The following PPP1R12B variants were observed in gnomAD, a reference collection of about 807,000 sequenced individuals.
PPP1R12B encodes the protein myosin phosphatase target subunit 2.
PPP1R12B carries 76 observed loss-of-function variants against 126.1 expected under a neutral mutation model. The observed-to-expected ratio is 0.60, with a 90% CI of 0.50 to 0.73. The LOEUF (loss-of-function observed/expected upper bound fraction) is 0.73, where lower values mean the gene tolerates loss of function less well. Ranked by LOEUF, PPP1R12B falls within the 30% of genes least tolerant of loss-of-function variation. The probability of loss-of-function intolerance (pLI) is 0.00; values close to 1 mark genes in which losing one functional copy is unlikely to be tolerated. For missense variants in PPP1R12B, 1,052 were observed against 1,205.1 expected (o/e 0.87, Z 1.88); for synonymous variants, 356 against 434.7 (o/e 0.82, Z 2.25).
At chr1:202,522,583 T>C (rs972703064) in intron 18 of PPP1R12B, among the ~76,000 whole-genome samples, 1 of 151,818 alleles carries the variant, frequency 6.6e-6, no homozygotes, top group Admixed American at 6.6e-5. Context: ...AACATGGAAA[T>C]AGGAAATACA....
chr1:202,428,841 C>T lies in PPP1R12B; in HGVS notation c.847-14C>T, dbSNP rs1361387020. The stretch of plus-strand genomic sequence containing the variant: ...CTGTTTTCTATCAGTCATGGTGCTC[C>T]TTTTCTCTGCCAGGGCCAGACACCA... On this transcript the variant is annotated splice_polypyrimidine_tract_variant and intron_variant, in intron 5 of 23. Coordinates refer to ENST00000608999, the MANE Select transcript of PPP1R12B (RefSeq NM_002481.4). The T allele has an allele frequency of 1.2e-6, 2 of 1,601,922 alleles. No homozygotes were observed. Among genetic ancestry groups the T allele is most frequent in the Non-Finnish European group, 1.7e-6 (2 of 1,174,414 alleles).
intron 1 of PPP1R12B, among the ~76,000 whole-genome samples, chr1:202,390,881 A>T (rs1255647628): frequency 1.3e-5 from 2 of 152,172 alleles, no homozygotes; most frequent in African/African-American, 4.8e-5. Context: ...GGGGCACTAT[A>T]GCAGGACAAC....
At position 202,586,779 on chromosome 1, in the gene PPP1R12B, TC is replaced by T. The variant is rs961029232; in HGVS notation, c.*6220del. ...AACCCAGTGTCCCGGAAGCCCTCCT[TC>T]GGGAGAACTGTAAGTAAGAGGTGGG... On this transcript the variant is annotated 3_prime_UTR_variant, in exon 24 of 24. Transcript: ENST00000608999. 1.3e-5 allele frequency: 2 copies of T among 152,210 alleles called. No homozygotes were observed. Among genetic ancestry groups the T allele is most frequent in the Admixed American group, 1.3e-4 (2 of 15,290 alleles). 9.4% of individuals were successfully genotyped at this position (152,210 alleles called of 1,614,324 possible).
At chr1:202,414,756 A>G (rs1667843678) in intron 1 of PPP1R12B, among the ~76,000 whole-genome samples, 2 of 152,152 alleles carry the variant, frequency 1.3e-5, no homozygotes, top group Non-Finnish European at 1.5e-5. Flanking sequence ...TCACACCTGA[A>G]GCAGATGCAC....
intron 1 of PPP1R12B, among the ~76,000 whole-genome samples, chr1:202,353,190 G>A (rs2148371135): frequency 6.6e-6 from 1 of 152,294 alleles, no homozygotes; most frequent in Non-Finnish European, 1.5e-5. Flanking sequence ...TATATTTTGT[G>A]TGCTAACTCA....
chr1:202,577,364 T>C (rs1366047544), intron 23 of PPP1R12B: 2 of 152,218 alleles, frequency 1.3e-5, no homozygotes, highest in Non-Finnish European at 2.9e-5. Flanking sequence ...ACCAAACTCA[T>C]TTGTTTACAT....
chr1:202,529,782 GA>G (rs1393678664), intron 18 of PPP1R12B, among the ~76,000 whole-genome samples: 1 of 152,132 alleles, frequency 6.6e-6, no homozygotes, highest in Non-Finnish European at 1.5e-5. Context: ...AGATATCTTT[GA>G]GAACTAAATG....
chr1:202,417,333 G>A, intron 2 of PPP1R12B: 1 of 985,248 alleles, frequency 1.0e-6, no homozygotes, highest in Non-Finnish European at 1.2e-6. Flanking sequence ...AAAATGCCTA[G>A]CATACCAGTC....
chr1:202,575,226 C>G (rs1688988232), intron 23 of PPP1R12B: 1 of 1,464,956 alleles, frequency 6.8e-7, no homozygotes, highest in African/African-American at 1.4e-5. Context: ...CTGTGCTCAT[C>G]CCCTCCATCC....
intron 1 of PPP1R12B, among the ~76,000 whole-genome samples, chr1:202,358,677 G>A (rs1311371879): frequency 3.2e-5 from 4 of 123,770 alleles, no homozygotes; most frequent in Non-Finnish European, 5.2e-5. Flanking sequence ...GCGAGACTCC[G>A]TCTCAAAAAA....
chr1:202,440,420 T>C (rs780183822), intron 10 of PPP1R12B, among the ~76,000 whole-genome samples: 2 of 152,270 alleles, frequency 1.3e-5, no homozygotes, highest in Non-Finnish European at 2.9e-5. Context: ...TTTCCTCCTC[T>C]CTTGACAGAG....
intron 18 of PPP1R12B, among the ~76,000 whole-genome samples, chr1:202,556,566 G>A (rs528769426): frequency 4.6e-5 from 7 of 152,260 alleles, no homozygotes; most frequent in East Asian, 3.9e-4. Context: ...GTGTGTTTGT[G>A]TGTGTTTCTC....
intron 13 of PPP1R12B, among the ~76,000 whole-genome samples, chr1:202,477,408 G>A (rs943729795): frequency 6.6e-6 from 1 of 152,092 alleles, no homozygotes; most frequent in Non-Finnish European, 1.5e-5. Flanking sequence ...AGAAGCCATG[G>A]TACAAACCCA....
At chr1:202,385,462 AC>A (rs1209115692) in intron 1 of PPP1R12B, among the ~76,000 whole-genome samples, 2 of 152,234 alleles carry the variant, frequency 1.3e-5, no homozygotes, top group Admixed American at 6.5e-5. Context: ...GCACCAGCAA[AC>A]ACCATAAAAA....
intron 1 of PPP1R12B, among the ~76,000 whole-genome samples, chr1:202,363,956 C>T (rs1040082525): frequency 2.0e-5 from 3 of 152,046 alleles, no homozygotes; most frequent in South Asian, 2.1e-4. Context: ...AGACGGGTTT[C>T]ACCATATTGG....
chr1:202,426,045 ACTTGTG>A, intron 4 of PPP1R12B, among the ~76,000 whole-genome samples: 1 of 152,216 alleles, frequency 6.6e-6, no homozygotes, highest in Non-Finnish European at 1.5e-5. Flanking sequence ...GACCTGTAAT[ACTTGTG>A]ATCATTTGTT....
chr1:202,439,156 G>A (rs1228563605), intron 10 of PPP1R12B: 2 of 1,581,394 alleles, frequency 1.3e-6, no homozygotes, highest in Middle Eastern at 3.3e-4. Flanking sequence ...TGAAGTGTCT[G>A]AACAACCTGG....
At position 202,518,461 on chromosome 1, in the gene PPP1R12B, G is replaced by A. The variant is rs1461725632; in HGVS notation, c.2490+21639G>A. Among the ~76,000 whole-genome samples, 6 of 152,058 alleles carry A rather than the reference G, an allele frequency of 3.9e-5. No homozygotes were observed. The South Asian group carries it at 6.2e-4, about 16-fold the overall frequency. The stretch of plus-strand genomic sequence containing the variant: ...TAGGGGTGTTTCCTTAAAATAGAGT[G>A]GATTATAAGGCAGCCATTTAAAAGT... On this transcript the variant is annotated intron_variant, in intron 18 of 23. Coordinates refer to ENST00000608999, the MANE Select transcript of PPP1R12B (RefSeq NM_002481.4).
chr1:202,582,462 T>C lies in PPP1R12B; in HGVS notation c.*1902T>C, dbSNP rs1689598165. The C allele has an allele frequency of 6.6e-6, 1 of 152,668 alleles. No individual in the cohort carries two copies. The highest frequency in any genetic ancestry group is 1.5e-5 in the Non-Finnish European group (1 of 68,050). 9.5% of individuals were successfully genotyped at this position (152,668 alleles called of 1,614,324 possible). ...TTTTAGGGTTGCCAGTGATATTCAG[T>C]GTTTAGAGTGGTTCATTCCCTTAAT... On this transcript the variant is annotated 3_prime_UTR_variant, in exon 24 of 24. Coordinates refer to ENST00000608999, the MANE Select transcript of PPP1R12B (RefSeq NM_002481.4).
Sources: allele counts gnomAD v4.1 joint callset (sites outside exome capture counted in the v4.1 genomes callset), GRCh38; gene constraint gnomAD v4.1.1; transcripts MANE v1.5; gene names NCBI Gene and HGNC (gene_info 2026-07-23, HGNC 2026-07-21).